The following LTBP1 variants were observed in gnomAD, a reference collection of about 807,000 sequenced individuals.
LTBP1 encodes the protein latent-transforming growth factor beta-binding protein 1.
Under a neutral mutation model 207.6 loss-of-function variants are expected in LTBP1, and 129 were observed. That is an observed-to-expected ratio of 0.62 (90% CI 0.54 to 0.72). The LOEUF is 0.72. LTBP1 is among the 30% of genes least tolerant of loss of function. The probability of loss-of-function intolerance (pLI) is 0.00; values close to 1 mark genes in which losing one functional copy is unlikely to be tolerated. For missense variants in LTBP1, 2,281 were observed against 2,217.2 expected, an observed-to-expected ratio of 1.03 and a Z score of -0.58; for synonymous variants, 963 against 833.7, an observed-to-expected ratio of 1.16 and a Z score of -2.67.
chr2:33,274,814 C>T (rs1274322674), intron 16 of LTBP1, 151 bp from the exon 17 acceptor site: 16 of 686,516 alleles, frequency 2.3e-5, no homozygotes, highest in Non-Finnish European at 3.5e-5. Context: ...TTCAAGTACG[C>T]GAGGAGAAAG....
At chr2:33,095,392 A>G (rs969782644) in intron 3 of LTBP1, among the ~76,000 whole-genome samples, 5 of 152,232 alleles carry the variant, frequency 3.3e-5, no homozygotes, top group African/African-American at 9.6e-5. Flanking sequence ...GTGAAAAGCA[A>G]CAGCTGGAAA....
chr2:33,342,963 G>C lies in LTBP1; in HGVS notation c.3856G>C (p.Asp1286His). Residue 1286 changes from aspartate to histidine, a missense_variant and splice_region_variant, in exon 25 of 34, where the codon GAT becomes CAT. Asp to His is a moderately conservative substitution (Grantham distance 81). Coordinates refer to ENST00000404816, the MANE Select transcript of LTBP1 (RefSeq NM_206943.4). ...CCCACAGGATGGGCAAGGGTGTGTGGGTGAGTTTTTAGATTTTTTCCCAAC... is the reference window on the plus strand; with the variant it reads ...CCCACAGGATGGGCAAGGGTGTGTGCGTGAGTTTTTAGATTTTTTCCCAAC... The part of the protein sequence containing the change: ...QAPQDGQGCV[D>H]VNECELLSGV... 6.2e-7 allele frequency: 1 copy of C among 1,608,922 alleles called. No homozygotes were observed. Among genetic ancestry groups the C allele is most frequent in the Non-Finnish European group, 8.5e-7 (1 of 1,177,576 alleles).
At chr2:33,153,217 A>G (rs2083682354) in intron 5 of LTBP1, among the ~76,000 whole-genome samples, 1 of 152,194 alleles carries the variant, frequency 6.6e-6, no homozygotes, top group Admixed American at 6.5e-5. Context: ...CTCCAGTGAT[A>G]CATTGTGTGG....
intron 2 of LTBP1, among the ~76,000 whole-genome samples, chr2:32,988,981 T>C (rs1217193723): frequency 6.6e-6 from 1 of 152,222 alleles, no homozygotes; most frequent in Non-Finnish European, 1.5e-5. Context: ...TTTGTGCCAC[T>C]ATCAAACTTT....
chr2:33,365,962 A>G (rs1482967608), intron 31 of LTBP1, among the ~76,000 whole-genome samples: 1 of 152,206 alleles, frequency 6.6e-6, no homozygotes, highest in Admixed American at 6.5e-5. Context: ...GGGTTACAAC[A>G]AAAAGGGAAA....
chr2:33,118,662 A>T (rs758497840), intron 4 of LTBP1, among the ~76,000 whole-genome samples: 1 of 152,222 alleles, frequency 6.6e-6, no homozygotes, highest in Non-Finnish European at 1.5e-5. Flanking sequence ...ATGTGGATGA[A>T]CAGGGTTCTG....
chr2:33,188,889 A>G (rs775238876), intron 7 of LTBP1, 38 bp downstream of exon 7: 1 of 1,591,500 alleles, frequency 6.3e-7, no homozygotes, highest in Admixed American at 1.7e-5. Context: ...GCAGTGTCTT[A>G]CAGATATGGT....
intron 7 of LTBP1, among the ~76,000 whole-genome samples, chr2:33,197,633 G>GGCATC (rs1192753819): frequency 6.6e-6 from 1 of 152,166 alleles, no homozygotes; most frequent in African/African-American, 2.4e-5. Context: ...AAGCTTGTTT[G>GGCATC]GCATCTGACT....
intron 15 of LTBP1, among the ~76,000 whole-genome samples, chr2:33,273,213 G>A (rs140005595): frequency 5.1e-4 from 78 of 152,162 alleles, no homozygotes; most frequent in African/African-American, 1.8e-3. Context: ...CTCAAATATG[G>A]CCTGCTAAAG....
At chr2:33,078,986 G>A (rs2078249646) in intron 3 of LTBP1, among the ~76,000 whole-genome samples, 2 of 150,896 alleles carry the variant, frequency 1.3e-5, no homozygotes, top group African/African-American at 4.9e-5. Context: ...AGCCTCCCGA[G>A]TAGCTGGGAT....
At chr2:33,191,782 T>G (rs2087914061) in intron 7 of LTBP1, among the ~76,000 whole-genome samples, 1 of 152,234 alleles carries the variant, frequency 6.6e-6, no homozygotes, top group African/African-American at 2.4e-5. Flanking sequence ...AGCCGTCTTA[T>G]TAATTGCAAG....
intron 3 of LTBP1, among the ~76,000 whole-genome samples, chr2:33,042,590 A>G (rs2076243076): frequency 6.6e-6 from 1 of 152,232 alleles, no homozygotes; most frequent in African/African-American, 2.4e-5. Context: ...CAACTGGACA[A>G]CAACAGCAAA....
At chr2:33,241,263 G>A (rs1021914755) in intron 9 of LTBP1, among the ~76,000 whole-genome samples, 6 of 152,148 alleles carry the variant, frequency 3.9e-5, no homozygotes, top group Non-Finnish European at 7.4e-5. Flanking sequence ...GATTAAAACA[G>A]TCATAACAGG....
intron 17 of LTBP1, 61 bp from the exon 18 acceptor site, chr2:33,275,740 G>A: frequency 4.4e-6 from 7 of 1,597,350 alleles, no homozygotes; most frequent in Non-Finnish European, 6.0e-6. Flanking sequence ...GCTGGGAGAT[G>A]GGAGAGGTTT....
chr2:32,947,853 C>A, intron 1 of LTBP1, 35 bp downstream of exon 1: 1 of 1,276,626 alleles, frequency 7.8e-7, no homozygotes, highest in South Asian at 2.9e-5. Context: ...GCCCGCCCGC[C>A]TCGCGCGCAC....
intron 15 of LTBP1, among the ~76,000 whole-genome samples, chr2:33,265,786 C>T (rs1178432365): frequency 6.6e-6 from 1 of 151,828 alleles, no homozygotes; most frequent in African/African-American, 2.4e-5. Context: ...TTTTTAGAGT[C>T]AGCAAAAATG....
chr2:33,253,974 C>G lies in LTBP1; in HGVS notation c.2167+1130C>G, dbSNP rs566825802. ...GTGTGATCTTGGCTCACTGCAAGCTCCGCCTCCCAGGTTCACACCATTCTC... is the reference window on the plus strand; with the variant it reads ...GTGTGATCTTGGCTCACTGCAAGCTGCGCCTCCCAGGTTCACACCATTCTC... On this transcript the variant is annotated intron_variant, in intron 11 of 33. Coordinates refer to ENST00000404816, the MANE Select transcript of LTBP1 (RefSeq NM_206943.4). Among the ~76,000 whole-genome samples the G allele has an allele frequency of 2.6e-3, 380 of 148,332 alleles. 2 individuals carry two copies. Among genetic ancestry groups the G allele is most frequent in the African/African-American group, 9.0e-3 (361 of 40,188 alleles).
intron 4 of LTBP1, among the ~76,000 whole-genome samples, chr2:33,130,597 G>A (rs930435636): frequency 3.3e-5 from 5 of 152,044 alleles, no homozygotes; most frequent in African/African-American, 4.8e-5. Flanking sequence ...TTTTTATCAC[G>A]GGAGGAGGGG....
chr2:33,012,522 C>A (rs1389513051), intron 2 of LTBP1, among the ~76,000 whole-genome samples: 1 of 152,210 alleles, frequency 6.6e-6, no homozygotes, highest in African/African-American at 2.4e-5. Flanking sequence ...CCGCCATGTT[C>A]CTCTTTCTAC....
Sources: gnomAD v4.1 joint callset for allele counts (sites outside exome capture counted in the v4.1 genomes callset) on GRCh38, gnomAD v4.1.1 for gene constraint, MANE v1.5 for transcripts, NCBI Gene and HGNC (gene_info 2026-07-23, HGNC 2026-07-21) for gene names.